Variants in SPATA16 observed in about 807,000 individuals in gnomAD.
SPATA16 encodes the protein spermatogenesis-associated protein 16.
Under a neutral mutation model 63.3 loss-of-function variants are expected in SPATA16, and 36 were observed. That is an observed-to-expected ratio of 0.57 (90% CI 0.44 to 0.75). SPATA16 has a LOEUF of 0.75. Among genes scored for constraint, SPATA16 ranks in the 30% least tolerant of loss-of-function variants. The pLI is 0.00. For synonymous variants in SPATA16, 203 were observed against 216.7 expected (o/e 0.94, Z 0.56); for missense variants, 646 against 679.3 (o/e 0.95, Z 0.54).
chr3:172,972,758 G>A (rs1025767009), intron 5 of SPATA16, among the ~76,000 whole-genome samples: 3 of 152,122 alleles, frequency 2.0e-5, no homozygotes, highest in Non-Finnish European at 4.4e-5. Flanking sequence ...CTGAAGGTGA[G>A]ACTGACGAAG....
intron 3 of SPATA16, among the ~76,000 whole-genome samples, chr3:173,031,059 A>G (rs1735592449): frequency 6.6e-6 from 1 of 151,976 alleles, no homozygotes; most frequent in Admixed American, 6.6e-5. Flanking sequence ...CAGAATGGTG[A>G]TTGCCAGGGG....
chr3:172,920,750 A>G (rs1455717097), intron 8 of SPATA16, among the ~76,000 whole-genome samples: 1 of 152,240 alleles, frequency 6.6e-6, no homozygotes, highest in Non-Finnish European at 1.5e-5. Context: ...GGAACAGATC[A>G]TGAGAATTCT....
intron 3 of SPATA16, among the ~76,000 whole-genome samples, chr3:173,042,073 CTG>C (rs1735854577): frequency 6.6e-6 from 1 of 152,144 alleles, no homozygotes; most frequent in African/African-American, 2.4e-5. Context: ...TCACGGGTAT[CTG>C]TAATGCTTTA....
Position 173,117,379 on chromosome 3 carries a change from T to C in SPATA16, c.353A>G (p.Lys118Arg). The C allele has an allele frequency of 3.1e-6, 5 of 1,614,208 alleles. No homozygotes were observed. The highest frequency in any genetic ancestry group is 4.2e-6 in the Non-Finnish European group (5 of 1,180,024). ...CTTCATTTCCACATCCATTATGTTC[T>C]TTAAGGGGATGTGAGGCAGAGGCAT... Reference protein sequence around the residue: ...ITMPLPHIPLKNIMDVEMKLV... With the variant: ...ITMPLPHIPLRNIMDVEMKLV... The change falls in exon 2 of 11, where the codon AAG (lysine) becomes AGG (arginine). Residue 118 changes from lysine to arginine, a missense_variant. Lys to Arg is a conservative substitution (Grantham distance 26). Transcript: ENST00000351008.
intron 4 of SPATA16, among the ~76,000 whole-genome samples, chr3:172,989,521 A>G (rs1734529648): frequency 6.6e-6 from 1 of 152,196 alleles, no homozygotes; most frequent in African/African-American, 2.4e-5. Context: ...GTTTGTTTGA[A>G]TCTCAATCCT....
At chr3:173,132,608 T>C (rs1404528463) in intron 1 of SPATA16, among the ~76,000 whole-genome samples, 3 of 152,178 alleles carry the variant, frequency 2.0e-5, no homozygotes, top group African/African-American at 7.2e-5. Context: ...AGTATTCTAA[T>C]GTTACAAAAT....
At chr3:173,120,886 G>T (rs1281336250) in intron 1 of SPATA16, among the ~76,000 whole-genome samples, 1 of 152,034 alleles carries the variant, frequency 6.6e-6, no homozygotes, top group Non-Finnish European at 1.5e-5. Context: ...TCTTTAAACT[G>T]CTCTATAGAA....
chr3:172,927,778 A>T (rs1172186144), intron 6 of SPATA16, among the ~76,000 whole-genome samples: 1 of 152,246 alleles, frequency 6.6e-6, no homozygotes, highest in Non-Finnish European at 1.5e-5. Context: ...GACGGGAAAC[A>T]TGCCATAGGA....
At chr3:173,071,719 T>C (rs1736677971) in intron 2 of SPATA16, among the ~76,000 whole-genome samples, 1 of 152,170 alleles carries the variant, frequency 6.6e-6, no homozygotes, top group South Asian at 2.1e-4. Context: ...TCAACATCAC[T>C]AATCATCAGA....
chr3:173,064,087 C>T (rs374297001), intron 2 of SPATA16, among the ~76,000 whole-genome samples: 9 of 152,188 alleles, frequency 5.9e-5, no homozygotes, highest in African/African-American at 2.2e-4. Flanking sequence ...AGGCAGATCA[C>T]CTGAGGTCAG....
At chr3:173,001,265 G>GTTGTTTTTTTTT (rs141209201) in intron 4 of SPATA16, among the ~76,000 whole-genome samples, 33,718 of 133,294 alleles carry the variant, frequency 0.25, 4,415 homozygotes, top group East Asian at 0.44. Context: ...ATGCTTCTCA[G>GTTGTTTTTTTTT]TTGTTTTTTT....
intron 2 of SPATA16, among the ~76,000 whole-genome samples, chr3:173,100,603 G>A (rs1241097223): frequency 6.7e-6 from 1 of 149,564 alleles, no homozygotes; most frequent in East Asian, 2.0e-4. Flanking sequence ...TTATCTCAAA[G>A]CCAGTTCTAG....
chr3:173,094,762 CCTT>C (rs1157431376), intron 2 of SPATA16, among the ~76,000 whole-genome samples: 1 of 147,884 alleles, frequency 6.8e-6, no homozygotes, highest in Non-Finnish European at 1.5e-5. Flanking sequence ...GACGGAAGGA[CCTT>C]CTTCTGAAAG....
At chr3:173,107,265 T>C (rs182359800) in intron 2 of SPATA16, among the ~76,000 whole-genome samples, 128 of 152,272 alleles carry the variant, frequency 8.4e-4, no homozygotes, top group African/African-American at 2.9e-3. Flanking sequence ...TGATCAATAT[T>C]CATAGGTGAA....
intron 2 of SPATA16, among the ~76,000 whole-genome samples, chr3:173,068,907 G>C (rs1379580293): frequency 6.7e-6 from 1 of 150,248 alleles, no homozygotes; most frequent in African/African-American, 2.5e-5. Context: ...TCAGGAGATC[G>C]AGACCATCCT....
At chr3:172,925,602 A>C in intron 6 of SPATA16, 110 bp from the exon 7 acceptor site, 1 of 1,323,662 alleles carries the variant, frequency 7.6e-7, no homozygotes, top group Non-Finnish European at 1.1e-6. Context: ...ATAACTATAA[A>C]TGTGAAAGGT....
At chr3:172,897,852 T>C (rs564934694) in intron 10 of SPATA16, among the ~76,000 whole-genome samples, 49 of 152,162 alleles carry the variant, frequency 3.2e-4, no homozygotes, top group African/African-American at 1.1e-3. Flanking sequence ...GAGGGAAAGA[T>C]TTTATTCTTT....
At chr3:172,980,263 C>T (rs1734269091) in intron 4 of SPATA16, among the ~76,000 whole-genome samples, 1 of 152,180 alleles carries the variant, frequency 6.6e-6, no homozygotes, top group Non-Finnish European at 1.5e-5. Flanking sequence ...GAGTCAAGTA[C>T]CATGTGAGAT....
chr3:172,930,109 A>G (rs1459532751), intron 6 of SPATA16, among the ~76,000 whole-genome samples: 1 of 152,184 alleles, frequency 6.6e-6, no homozygotes, highest in Non-Finnish European at 1.5e-5. Context: ...ATCACATAAC[A>G]TCTGGATTAT....
Sources: allele counts gnomAD v4.1 joint callset (sites outside exome capture counted in the v4.1 genomes callset), GRCh38; gene constraint gnomAD v4.1.1; transcripts MANE v1.5; gene names NCBI Gene and HGNC (gene_info 2026-07-23, HGNC 2026-07-21).